The following PDCD4 variants were observed in gnomAD, a reference collection of about 807,000 sequenced individuals.
PDCD4 encodes programmed cell death 4.
A neutral mutation model predicts 54.0 loss-of-function variants in PDCD4; 56 were observed. That is an observed-to-expected ratio of 1.04 (90% confidence interval 0.84 to 1.30). The LOEUF (loss-of-function observed/expected upper bound fraction) is 1.30. PDCD4 is among the 50% of genes most tolerant of loss of function. The pLI, the probability that PDCD4 is intolerant of heterozygous loss-of-function variation, is 0.00. For missense variants in PDCD4, 584 were observed against 559.8 expected (o/e 1.04, Z -0.44); for synonymous variants, 186 against 194.8 (o/e 0.95, Z 0.37).
In PDCD4 at chr10:110,899,643, C is replaced by G. The variant is rs1045735530; in HGVS notation, c.*1555C>G. ...AGAAACCCTGTCTCTATTAAAAATACAAAAGTAGCCAGGCATGGTGGCGCA... is the reference window on the plus strand; with the variant it reads ...AGAAACCCTGTCTCTATTAAAAATAGAAAAGTAGCCAGGCATGGTGGCGCA... On this transcript the variant is annotated 3_prime_UTR_variant, in exon 12 of 12. Coordinates refer to ENST00000280154, the MANE Select transcript of PDCD4 (RefSeq NM_014456.5). The G allele has an allele frequency of 6.6e-6, 1 of 152,056 alleles. No individual in the cohort carries two copies. The highest frequency in any genetic ancestry group is 1.5e-5 in the Non-Finnish European group (1 of 68,032). 9.4% of individuals were successfully genotyped at this position (152,056 alleles called of 1,614,324 possible). A position where few individuals can be genotyped will look rare whatever the true frequency, so the allele number is the denominator to read the frequency against.
intron 10 of PDCD4, among the ~76,000 whole-genome samples, chr10:110,894,966 G>A (rs775723897): frequency 4.0e-5 from 6 of 151,886 alleles, no homozygotes; most frequent in Non-Finnish European, 8.8e-5. Flanking sequence ...AGAAGTAGAT[G>A]GGAAAGGAGT....
chr10:110,889,890 A>C (rs1845730226), intron 7 of PDCD4, among the ~76,000 whole-genome samples: 1 of 152,146 alleles, frequency 6.6e-6, no homozygotes, highest in South Asian at 2.1e-4. Context: ...CAGTTTCTTT[A>C]TTTATGAAAC....
chr10:110,890,596 A>G lies in PDCD4; in HGVS notation c.916A>G (p.Lys306Glu), dbSNP rs371329972. Reference protein sequence around the residue: ...DKATVLLSMSKGGKRKDSVWG... With the variant: ...DKATVLLSMSEGGKRKDSVWG... ...GGCTACCGTGCTTCTGAGTATGTCT[A>G]AAGGTGGAAAGCGTAAAGATAGTGT... Residue 306 changes from lysine to glutamate, a missense_variant, in exon 8 of 12, where the codon AAA becomes GAA. Lys to Glu is a moderately conservative substitution (Grantham distance 56). Transcript: ENST00000280154. The G allele has an allele frequency of 2.5e-6, 4 of 1,613,442 alleles. No homozygotes were observed. The highest frequency in any genetic ancestry group is 2.7e-5 in the African/African-American group (2 of 74,884).
intron 2 of PDCD4, chr10:110,880,265 T>G (rs570351714): frequency 6.6e-6 from 1 of 152,266 alleles, no homozygotes; most frequent in Non-Finnish European, 1.5e-5. Context: ...AAAAAGAAAG[T>G]GATTTCCATG....
At chr10:110,880,974 A>G (rs1306633578) in intron 2 of PDCD4, among the ~76,000 whole-genome samples, 1 of 152,176 alleles carries the variant, frequency 6.6e-6, no homozygotes, top group Non-Finnish European at 1.5e-5. Context: ...AAACAAACAA[A>G]TTTGGTTTGT....
chr10:110,883,181 T>C, intron 4 of PDCD4, 84 bp downstream of exon 4: 1 of 823,634 alleles, frequency 1.2e-6, no homozygotes, highest in Non-Finnish European at 2.0e-6. Context: ...CATACATGTG[T>C]CAAATCATAT....
chr10:110,880,830 C>T (rs956826075), intron 2 of PDCD4, among the ~76,000 whole-genome samples: 8 of 152,196 alleles, frequency 5.3e-5, no homozygotes, highest in African/African-American at 1.9e-4. Context: ...ATTAGTTTAT[C>T]TCTCTTCTCA....
At chr10:110,886,628 A>C (rs1412152652) in intron 5 of PDCD4, among the ~76,000 whole-genome samples, 1 of 152,264 alleles carries the variant, frequency 6.6e-6, no homozygotes, top group African/African-American at 2.4e-5. Flanking sequence ...CTAGAGTCAG[A>C]CTGCCTTTAT....
Position 110,898,007 on chromosome 10 carries a change from CTT to C in PDCD4, c.1350-13_1350-12del, listed in dbSNP as rs532010679. 3 of 1,516,320 alleles carry C rather than the reference CTT, an allele frequency of 2.0e-6. No individual in the cohort carries two copies. The highest frequency in any genetic ancestry group is 1.9e-5 in the Admixed American group (1 of 52,996). 93.9% of individuals were successfully genotyped at this position (1,516,320 alleles called of 1,614,324 possible). ...TCAGAATTTGTATCTGTTTTCATGTCTTTTTTTTTCTTCATTACAGGGGCAGA... is the reference window on the plus strand; with the variant it reads ...TCAGAATTTGTATCTGTTTTCATGTCTTTTTTTCTTCATTACAGGGGCAGA... On this transcript the variant is annotated intron_variant, in intron 11 of 11. Transcript: ENST00000280154.
At chr10:110,873,782 G>A (rs1845459967) in intron 1 of PDCD4, among the ~76,000 whole-genome samples, 1 of 152,128 alleles carries the variant, frequency 6.6e-6, no homozygotes, top group Non-Finnish European at 1.5e-5. Context: ...TGTCAAATAT[G>A]ACTTGAGTTC....
intron 6 of PDCD4, among the ~76,000 whole-genome samples, chr10:110,888,766 G>A (rs1235864555): frequency 6.6e-6 from 1 of 152,032 alleles, no homozygotes; most frequent in Non-Finnish European, 1.5e-5. Context: ...ACCATTTTAT[G>A]TGTATACCAT....
intron 4 of PDCD4, among the ~76,000 whole-genome samples, chr10:110,884,301 T>G (rs1845636897): frequency 6.6e-6 from 1 of 152,160 alleles, no homozygotes; most frequent in South Asian, 2.1e-4. Flanking sequence ...TTCGGTACTA[T>G]CTGTGGTTTA....
intron 10 of PDCD4, 136 bp from the exon 11 acceptor site, chr10:110,895,812 C>T (rs951353958): frequency 1.5e-5 from 9 of 602,926 alleles, no homozygotes; most frequent in African/African-American, 3.9e-5. Context: ...GTGCTTCTCA[C>T]GATTCAAATC....
chr10:110,872,783 G>A (rs1259426431), intron 1 of PDCD4, among the ~76,000 whole-genome samples: 1 of 152,220 alleles, frequency 6.6e-6, no homozygotes. Flanking sequence ...AAGCCGGGAA[G>A]GGAGCCCCCT....
chr10:110,896,088 G>A lies in PDCD4; in HGVS notation c.1349+1G>A, dbSNP rs1221923494. ...AACTCAGAGATCTTTGTCCTTCAAG[G>A]TACTTTATTTAAATACTACTTTCTC... On this transcript the variant is annotated splice_donor_variant, in intron 11 of 11. Coordinates refer to ENST00000280154, the MANE Select transcript of PDCD4 (RefSeq NM_014456.5). LOFTEE classifies it high-confidence loss of function. The A allele has an allele frequency of 6.3e-7, 1 of 1,590,354 alleles. No homozygotes were observed. The highest frequency in any genetic ancestry group is 8.5e-7 in the Non-Finnish European group (1 of 1,169,602).
intron 2 of PDCD4, among the ~76,000 whole-genome samples, chr10:110,879,217 T>C (rs1845553731): frequency 6.6e-6 from 1 of 152,236 alleles, no homozygotes; most frequent in Non-Finnish European, 1.5e-5. Flanking sequence ...CTTTTTGTAA[T>C]ATACTCAGTA....
intron 8 of PDCD4, among the ~76,000 whole-genome samples, chr10:110,891,636 T>G (rs1845758756): frequency 6.6e-6 from 1 of 151,970 alleles, no homozygotes; most frequent in Admixed American, 6.6e-5. Flanking sequence ...CAATTTTGAT[T>G]TTTAGTAAGT....
rs1379965358 is a variant in PDCD4 at position 110,899,198 on chromosome 10, T to C, written c.*1110T>C. On this transcript the variant is annotated 3_prime_UTR_variant, in exon 12 of 12. Transcript: ENST00000280154. ...AGCAAGGCCTCAACGTCTGTGCTAA[T>C]TTAAACTGCCAAATATTGACTGCAG... The C allele has an allele frequency of 6.6e-6, 1 of 152,214 alleles. No individual in the cohort carries two copies. Among genetic ancestry groups the C allele is most frequent in the Non-Finnish European group, 1.5e-5 (1 of 68,034 alleles). The allele number at this position is 152,214 out of a possible 1,614,324, so 9.4% of individuals were successfully genotyped here. A position where few individuals can be genotyped will look rare whatever the true frequency, so the allele number is the denominator to read the frequency against.
chr10:110,876,683 AT>A, intron 2 of PDCD4: 1 of 1,217,550 alleles, frequency 8.2e-7, no homozygotes, highest in Non-Finnish European at 1.1e-6. Context: ...ATTTTCCCTA[AT>A]TCTCCATGGT....
Sources: allele counts gnomAD v4.1 joint callset (sites outside exome capture counted in the v4.1 genomes callset), GRCh38; gene constraint gnomAD v4.1.1; transcripts MANE v1.5; gene names NCBI Gene and HGNC (gene_info 2026-07-23, HGNC 2026-07-21).